Variants in UGT1A8 observed in about 807,000 individuals in gnomAD.
UGT1A8 encodes the protein UDP glucuronosyltransferase family 1 member A8, also known as UDP-glucuronosyltransferase 1A8.
UGT1A8 carries 39 observed loss-of-function variants against 45.3 expected under a neutral mutation model. That is an observed-to-expected ratio of 0.86 (90% CI 0.67 to 1.12). The LOEUF (loss-of-function observed/expected upper bound fraction) is 1.12, where lower values mean the gene tolerates loss of function less well. Among genes scored for constraint, UGT1A8 ranks in the 50% most tolerant of loss-of-function variants. The pLI is 0.00. For synonymous variants in UGT1A8, 275 were observed against 249.2 expected, an observed-to-expected ratio of 1.10 and a Z score of -0.97; for missense variants, 719 against 664.9, an observed-to-expected ratio of 1.08 and a Z score of -0.90.
At chr2:233,618,938 A>C (rs923955064) in intron 1 of UGT1A8, among the ~76,000 whole-genome samples, 1 of 152,094 alleles carries the variant, frequency 6.6e-6, no homozygotes, top group Non-Finnish European at 1.5e-5. Context: ...AAAGTATTTT[A>C]GGTGTATATA....
intron 1 of UGT1A8, among the ~76,000 whole-genome samples, chr2:233,679,624 T>G (rs2074457728): frequency 6.6e-6 from 1 of 152,178 alleles, no homozygotes; most frequent in Admixed American, 6.5e-5. Context: ...CAGGCAGATA[T>G]CCTTTGTCCT....
intron 1 of UGT1A8, chr2:233,691,404 T>C: frequency 1.0e-6 from 1 of 985,574 alleles, no homozygotes; most frequent in Non-Finnish European, 1.2e-6. Context: ...AGCCCTGTCC[T>C]TGGAGTGGCC....
intron 1 of UGT1A8, chr2:233,648,413 T>C: frequency 4.6e-6 from 1 of 218,670 alleles, no homozygotes. Context: ...CCTAGATATG[T>C]CTCAGGGTTT....
intron 1 of UGT1A8, chr2:233,747,230 A>AGGTTCCCCT: frequency 6.2e-7 from 1 of 1,605,032 alleles, no homozygotes; most frequent in South Asian, 1.1e-5. Context: ...ACAGGACCCC[A>AGGTTCCCCT]GGTTCCCCTG....
chr2:233,637,169 A>C (rs1192242289), intron 1 of UGT1A8: 2 of 1,613,882 alleles, frequency 1.2e-6, no homozygotes, highest in Non-Finnish European at 1.7e-6. Context: ...CACTTGGAGG[A>C]CCATTTATTT....
intron 1 of UGT1A8, among the ~76,000 whole-genome samples, chr2:233,643,377 C>T (rs764013173): frequency 1.2e-4 from 19 of 152,040 alleles, no homozygotes; most frequent in Non-Finnish European, 2.1e-4. Flanking sequence ...TGCTGGTGTT[C>T]CCTTAAGGCC....
chr2:233,661,624 T>TTTCC (rs1553602625), intron 1 of UGT1A8, among the ~76,000 whole-genome samples: 19 of 14,108 alleles, frequency 1.3e-3, no homozygotes, highest in Non-Finnish European at 1.4e-4. Flanking sequence ...CTTACTGAAT[T>TTTCC]TTCTTTCTTT....
At chr2:233,688,219 T>A (rs10175809) in intron 1 of UGT1A8, among the ~76,000 whole-genome samples, 59,115 of 152,104 alleles carry the variant, frequency 0.39, 11,692 homozygotes, top group South Asian at 0.45. Context: ...TTGTGGCTTA[T>A]CCATGTTGTA....
chr2:233,634,915 G>T (rs1017587572), intron 1 of UGT1A8, among the ~76,000 whole-genome samples: 5 of 150,694 alleles, frequency 3.3e-5, no homozygotes, highest in African/African-American at 1.2e-4. Context: ...CTGACAATTG[G>T]GTATGTTTGT....
intron 4 of UGT1A8, 47 bp downstream of exon 4, chr2:233,768,486 T>A: frequency 1.3e-6 from 2 of 1,583,238 alleles, no homozygotes; most frequent in East Asian, 2.3e-5. Context: ...GCATTCATGA[T>A]AAAATTGTTT....
chr2:233,714,464 G>T (rs1484819290), intron 1 of UGT1A8, among the ~76,000 whole-genome samples: 2 of 152,160 alleles, frequency 1.3e-5, no homozygotes, highest in African/African-American at 2.4e-5. Context: ...GTGTTGGATT[G>T]TAATAGGAGA....
chr2:233,624,882 T>A (rs1051225922), intron 1 of UGT1A8, among the ~76,000 whole-genome samples: 1 of 152,142 alleles, frequency 6.6e-6, no homozygotes, highest in African/African-American at 2.4e-5. Flanking sequence ...TCCTAAGTAT[T>A]TCATGTTTTT....
At chr2:233,654,205 G>GA (rs1234942603) in intron 1 of UGT1A8, among the ~76,000 whole-genome samples, 2 of 152,102 alleles carry the variant, frequency 1.3e-5, no homozygotes, top group Non-Finnish European at 2.9e-5. Flanking sequence ...AGAAAAAAAG[G>GA]AAAAAAACCT....
chr2:233,725,174 G>A (rs1352494338), intron 1 of UGT1A8, among the ~76,000 whole-genome samples: 3 of 99,246 alleles, frequency 3.0e-5, no homozygotes, highest in Admixed American at 1.8e-4. Flanking sequence ...GAGGGAGACC[G>A]TGGGGAGAGG....
At chr2:233,720,108 G>A (rs372349841) in intron 1 of UGT1A8, among the ~76,000 whole-genome samples, 4 of 152,142 alleles carry the variant, frequency 2.6e-5, no homozygotes, top group South Asian at 4.2e-4. Flanking sequence ...CCCATCTTGC[G>A]AAAGATACAG....
chr2:233,618,160 T>A lies in UGT1A8; in HGVS notation c.453T>A (p.Asp151Glu), dbSNP rs1156902770. ...SFDAVFLDPF[D>E]ACGLIVAKYF... The stretch of plus-strand genomic sequence containing the variant: ...ATGCGGTGTTTCTTGATCCTTTTGA[T>A]GCCTGTGGCTTAATTGTTGCCAAAT... Residue 151 changes from aspartate (D) to glutamate (E), a missense_variant, in exon 1 of 5, where the codon GAT becomes GAA. Asp to Glu is a conservative substitution (Grantham distance 45, BLOSUM62 2). Coordinates refer to ENST00000373450, the MANE Select transcript of UGT1A8 (RefSeq NM_019076.5). 2.5e-6 allele frequency: 4 copies of A among 1,614,178 alleles called. No individual in the cohort carries two copies. The highest frequency in any genetic ancestry group is 3.4e-6 in the Non-Finnish European group (4 of 1,180,046).
In UGT1A8 at chr2:233,767,782, A is replaced by G. The variant is rs1404728252; in HGVS notation, c.988-67A>G. The G allele has an allele frequency of 3.7e-6, 6 of 1,613,376 alleles. No individual in the cohort carries two copies. In the African/African-American group the frequency reaches 4.0e-5, roughly 11 times the overall value. ...AGAGGACCCCTGTTTTCTAGTTAGT[A>G]TAGCAGATTTGTTTTCTAATCATAT... is the stretch of plus-strand genomic sequence containing the variant. On this transcript the variant is annotated intron_variant, in intron 2 of 4. Coordinates refer to ENST00000373450, the MANE Select transcript of UGT1A8 (RefSeq NM_019076.5).
intron 1 of UGT1A8, among the ~76,000 whole-genome samples, chr2:233,633,537 G>A (rs974498644): frequency 5.3e-5 from 8 of 152,110 alleles, no homozygotes; most frequent in African/African-American, 1.9e-4. Context: ...TTTAGTCTTG[G>A]GAGGATATAC....
At chr2:233,742,842 A>G (rs1167043204) in intron 1 of UGT1A8, 1 of 158,994 alleles carries the variant, frequency 6.3e-6, no homozygotes, top group Non-Finnish European at 1.4e-5. Flanking sequence ...TACACACTAA[A>G]CAATAAAGTC....
Sources: allele counts gnomAD v4.1 joint callset (sites outside exome capture counted in the v4.1 genomes callset), GRCh38; gene constraint gnomAD v4.1.1; transcripts MANE v1.5; gene names NCBI Gene and HGNC (gene_info 2026-07-23, HGNC 2026-07-21).